The following TTC27 variants were observed in gnomAD, a reference collection of about 807,000 sequenced individuals.
The protein encoded by TTC27 is tetratricopeptide repeat protein 27.
In TTC27, 79 loss-of-function variants were observed where a neutral mutation model predicts 115.9. The observed-to-expected ratio is 0.68, with a 90% confidence interval of 0.57 to 0.82. The LOEUF is 0.82. Ranked by LOEUF, TTC27 falls within the 40% of genes least tolerant of loss-of-function variation. TTC27 has a pLI of 0.00. For missense variants in TTC27, 1,054 were observed against 993.1 expected, an observed-to-expected ratio of 1.06 and a Z score of -0.82; for synonymous variants, 401 against 356.0, an observed-to-expected ratio of 1.13 and a Z score of -1.42.
chr2:32,677,241 C>A (rs1206131989), intron 8 of TTC27, among the ~76,000 whole-genome samples: 1 of 152,092 alleles, frequency 6.6e-6, no homozygotes, highest in Non-Finnish European at 1.5e-5. Context: ...TGCAGTATAG[C>A]ATTCTGTTGG....
intron 13 of TTC27, among the ~76,000 whole-genome samples, chr2:32,761,244 CCACATCTAAT>C (rs1257941446): frequency 6.6e-6 from 1 of 152,122 alleles, no homozygotes; most frequent in Non-Finnish European, 1.5e-5. Flanking sequence ...CCCGTATACC[CCACATCTAAT>C]CGATCAGCAA....
chr2:32,663,375 C>T (rs1665626254), intron 5 of TTC27, among the ~76,000 whole-genome samples: 1 of 152,132 alleles, frequency 6.6e-6, no homozygotes, highest in Non-Finnish European at 1.5e-5. Flanking sequence ...GGTCAGAATG[C>T]ACCATTTCTC....
At chr2:32,647,004 C>G (rs545311481) in intron 4 of TTC27, among the ~76,000 whole-genome samples, 1 of 145,510 alleles carries the variant, frequency 6.9e-6, no homozygotes, top group African/African-American at 2.5e-5. Context: ...GAGTCAGAGT[C>G]TCTTCTCTGT....
chr2:32,656,458 A>G (rs1665324559), intron 5 of TTC27, among the ~76,000 whole-genome samples: 1 of 152,190 alleles, frequency 6.6e-6, no homozygotes, highest in African/African-American at 2.4e-5. Context: ...GAGACTTGGA[A>G]CATCTTTGTG....
Position 32,736,712 on chromosome 2 carries a change from C to T in TTC27, c.1348C>T (p.Leu450Phe), listed in dbSNP as rs755999031. 7.4e-6 allele frequency: 12 copies of T among 1,613,790 alleles called. No individual in the cohort carries two copies. The highest frequency in any genetic ancestry group is 3.3e-5 in the Admixed American group (2 of 59,912). ...WAIQRQLASL[L>F]FELGCTSSAL... The stretch of plus-strand genomic sequence containing the variant: ...TTTCTAGCGCCAACTTGCAAGTTTG[C>T]TCTTTGAGTTGGGATGTACCAGTTC... Residue 450 changes from leucine to phenylalanine, a missense_variant, in exon 12 of 20, where the codon CTC becomes TTC. Physicochemically the swap from Leu to Phe is conservative, Grantham distance 22. Transcript: ENST00000317907.
Position 32,703,021 on chromosome 2 carries a change from T to C in TTC27, c.1233+101T>C. On this transcript the variant is annotated intron_variant, in intron 10 of 19. Coordinates refer to ENST00000317907, the MANE Select transcript of TTC27 (RefSeq NM_017735.5). ...AATGAAGGAATGAAATGGCTTACAT[T>C]TCACTCAAATAATTTGTTACTGTTT... 3 of 808,472 alleles carry C rather than the reference T, an allele frequency of 3.7e-6. No homozygotes were observed. In the South Asian group the frequency reaches 4.9e-5, roughly 13 times the overall value. The allele number at this position is 808,472 out of a possible 1,614,324, so 50.1% of individuals were successfully genotyped here.
At chr2:32,730,184 A>G (rs1188841241) in intron 10 of TTC27, among the ~76,000 whole-genome samples, 1 of 152,238 alleles carries the variant, frequency 6.6e-6, no homozygotes, top group African/African-American at 2.4e-5. Flanking sequence ...TGTACCTAAT[A>G]CTTGTGTTCG....
chr2:32,798,330 G>A (rs1670783059), intron 16 of TTC27, among the ~76,000 whole-genome samples: 1 of 151,990 alleles, frequency 6.6e-6, no homozygotes, highest in Admixed American at 6.6e-5. Flanking sequence ...GACCCAGGAG[G>A]TGGAGCTTGC....
chr2:32,664,807 T>G (rs1665705508), intron 6 of TTC27, among the ~76,000 whole-genome samples: 2 of 151,526 alleles, frequency 1.3e-5, no homozygotes, highest in Middle Eastern at 6.9e-3. Context: ...CCCTTTCTTG[T>G]AAATACCCAC....
intron 16 of TTC27, among the ~76,000 whole-genome samples, chr2:32,787,799 A>G (rs776123023): frequency 1.1e-4 from 16 of 148,622 alleles, no homozygotes; most frequent in Non-Finnish European, 1.9e-4. Context: ...ACAGAGCAAA[A>G]CTCTGTCTCT....
chr2:32,782,144 A>T (rs1384486893), intron 14 of TTC27, among the ~76,000 whole-genome samples: 1 of 152,176 alleles, frequency 6.6e-6, no homozygotes, highest in East Asian at 1.9e-4. Context: ...TATTTTTGTC[A>T]TTGGGTAGAG....
intron 10 of TTC27, among the ~76,000 whole-genome samples, chr2:32,713,447 G>A (rs1212724496): frequency 1.3e-5 from 2 of 152,168 alleles, no homozygotes; most frequent in African/African-American, 2.4e-5. Flanking sequence ...GGAGATCAAT[G>A]TTAGATTGTT....
intron 13 of TTC27, 110 bp from the exon 14 acceptor site, chr2:32,777,770 GCT>G: frequency 1.1e-6 from 1 of 922,514 alleles, no homozygotes; most frequent in East Asian, 2.6e-5. Context: ...TTATTATATA[GCT>G]CTGCATTCTT....
chr2:32,684,157 C>CG (rs546273085), intron 9 of TTC27, among the ~76,000 whole-genome samples: 163 of 151,976 alleles, frequency 1.1e-3, no homozygotes, highest in African/African-American at 3.7e-3. Context: ...GACTCTGACT[C>CG]GGGGGGAAAA....
chr2:32,691,508 AG>A (rs1201949152), intron 9 of TTC27, among the ~76,000 whole-genome samples: 3 of 152,052 alleles, frequency 2.0e-5, no homozygotes, highest in African/African-American at 7.2e-5. Flanking sequence ...CATGTTGCCC[AG>A]GCTGGTCTTG....
intron 8 of TTC27, 105 bp downstream of exon 8, chr2:32,672,489 G>A (rs1478180946): frequency 8.5e-6 from 7 of 821,920 alleles, no homozygotes; most frequent in Middle Eastern, 4.6e-4. Context: ...GGATGAATAG[G>A]GAATTTTGTA....
intron 4 of TTC27, among the ~76,000 whole-genome samples, chr2:32,647,945 T>C (rs1478398970): frequency 6.6e-6 from 1 of 152,204 alleles, no homozygotes; most frequent in Non-Finnish European, 1.5e-5. Context: ...TAAAGTAATA[T>C]AGTTACAAAT....
intron 13 of TTC27, among the ~76,000 whole-genome samples, chr2:32,770,919 A>C (rs910677065): frequency 3.9e-5 from 6 of 152,232 alleles, no homozygotes; most frequent in African/African-American, 1.2e-4. Context: ...ATATGTGAAT[A>C]ATATGTACGG....
At chr2:32,666,254 C>T (rs1486148293) in intron 6 of TTC27, among the ~76,000 whole-genome samples, 1 of 152,114 alleles carries the variant, frequency 6.6e-6, no homozygotes, top group Non-Finnish European at 1.5e-5. Context: ...TGCTGAGAAG[C>T]CCTGTGATCA....
Sources: allele counts gnomAD v4.1 joint callset (sites outside exome capture counted in the v4.1 genomes callset), GRCh38; gene constraint gnomAD v4.1.1; transcripts MANE v1.5; gene names NCBI Gene and HGNC (gene_info 2026-07-23, HGNC 2026-07-21).